Variants in FAIM2 observed in about 807,000 individuals in gnomAD.
FAIM2 encodes the protein Fas apoptotic inhibitory molecule 2.
A neutral mutation model predicts 47.4 loss-of-function variants in FAIM2; 27 were observed. The observed-to-expected ratio is 0.57, with a 90% CI of 0.42 to 0.78. The LOEUF (loss-of-function observed/expected upper bound fraction) is 0.78. Ranked by LOEUF, FAIM2 falls within the 30% of genes least tolerant of loss-of-function variation. FAIM2 has a pLI of 0.00. For missense variants in FAIM2, 311 were observed against 389.4 expected, an observed-to-expected ratio of 0.80 and a Z score of 1.69; for synonymous variants, 156 against 159.3, an observed-to-expected ratio of 0.98 and a Z score of 0.16.
intron 11 of FAIM2, among the ~76,000 whole-genome samples, chr12:49,887,093 C>T (rs1011539066): frequency 5.9e-5 from 9 of 152,092 alleles, no homozygotes; most frequent in Admixed American, 2.6e-4. Context: ...CCGCAAGCAC[C>T]GCTGCCCCTC....
In FAIM2 at chr12:49,901,333, G is replaced by A. The variant is rs1946981040; in HGVS notation, c.16-8C>T. ...CTTGTTAGCCACGGAGAGCTATGGAGTAGAGTCAGAGAGAGAGATAGTCAC... is the reference window on the plus strand; with the variant it reads ...CTTGTTAGCCACGGAGAGCTATGGAATAGAGTCAGAGAGAGAGATAGTCAC... On this transcript the variant is annotated splice_polypyrimidine_tract_variant and splice_region_variant and intron_variant, in intron 1 of 11. Coordinates refer to ENST00000320634, the MANE Select transcript of FAIM2 (RefSeq NM_012306.4). 2 of 1,553,668 alleles carry A rather than the reference G, an allele frequency of 1.3e-6. No homozygotes were observed. The highest frequency in any genetic ancestry group is 1.2e-5 in the South Asian group (1 of 83,352).
At chr12:49,882,091 C>A (rs927809731) in intron 11 of FAIM2, among the ~76,000 whole-genome samples, 3 of 152,350 alleles carry the variant, frequency 2.0e-5, no homozygotes, top group Admixed American at 2.0e-4. Flanking sequence ...TCTCTTCACC[C>A]CACTCTTGCA....
At chr12:49,880,598 A>G (rs1393678555) in intron 11 of FAIM2, among the ~76,000 whole-genome samples, 7 of 137,188 alleles carry the variant, frequency 5.1e-5, no homozygotes, top group East Asian at 2.2e-4. Flanking sequence ...GTGCATGTGT[A>G]TGTGTGTGCA....
intron 2 of FAIM2, among the ~76,000 whole-genome samples, chr12:49,898,540 T>G (rs906568830): frequency 6.6e-6 from 1 of 152,174 alleles, no homozygotes; most frequent in Non-Finnish European, 1.5e-5. Flanking sequence ...GTTTTGTTTT[T>G]TTGAGACAGG....
rs375139943 is a variant in FAIM2 at position 49,901,112 on chromosome 12, A to C, written c.211+18T>G. 1.6e-5 allele frequency: 25 copies of C among 1,551,102 alleles called. No homozygotes were observed. The African/African-American group carries it at 3.2e-4, about 20-fold the overall frequency. On this transcript the variant is annotated intron_variant, in intron 2 of 11. Coordinates refer to ENST00000320634, the MANE Select transcript of FAIM2 (RefSeq NM_012306.4). Reference sequence around the variant, plus strand: ...CCCACCCCATGATGCTTCAGGTTCCAGGAGCTGAAAGACTTACTGGGGTCC... The same window carrying C: ...CCCACCCCATGATGCTTCAGGTTCCCGGAGCTGAAAGACTTACTGGGGTCC...
At chr12:49,873,067 C>A (rs1052412577) in intron 11 of FAIM2, among the ~76,000 whole-genome samples, 4 of 152,066 alleles carry the variant, frequency 2.6e-5, no homozygotes, top group Non-Finnish European at 5.9e-5. Context: ...AGCTGAGTGG[C>A]CTTAACACAG....
At chr12:49,897,198 G>T (rs1946943777) in intron 4 of FAIM2, 114 bp from the exon 5 acceptor site, 1 of 941,992 alleles carries the variant, frequency 1.1e-6, no homozygotes, top group African/African-American at 1.6e-5. Context: ...GAAGCCAAAG[G>T]AATGCAGCCC....
intron 5 of FAIM2, 39 bp from the exon 6 acceptor site, chr12:49,891,153 T>C (rs1316764672): frequency 2.5e-6 from 4 of 1,594,754 alleles, no homozygotes; most frequent in Non-Finnish European, 3.4e-6. Context: ...AGCCAGCCTC[T>C]CCTGGGTCCC....
rs758701545 is a variant in FAIM2, at chr12:49,878,722, GTC to G, written c.802-8071_802-8070del. Among the ~76,000 whole-genome samples, 11 of 102,294 alleles carry G rather than the reference GTC, an allele frequency of 1.1e-4. 2 individuals carry two copies. The highest frequency in any genetic ancestry group is 1.6e-4 in the Non-Finnish European group (9 of 55,194). 67.1% of individuals were successfully genotyped at this position (102,294 alleles called of 152,430 possible). ...TGCATGTGTGCATATATGCGTGTGT[GTC>G]TGTGTGCATGTGAGTGTATATGCAT... On this transcript the variant is annotated intron_variant, in intron 11 of 11. Transcript: ENST00000320634.
At chr12:49,881,240 T>C (rs1253578840) in intron 11 of FAIM2, among the ~76,000 whole-genome samples, 2 of 152,064 alleles carry the variant, frequency 1.3e-5, no homozygotes, top group Non-Finnish European at 2.9e-5. Flanking sequence ...GCCTCTGGTC[T>C]GTCCACTCAG....
chr12:49,892,564 C>T (rs1946907938), intron 5 of FAIM2, among the ~76,000 whole-genome samples: 1 of 152,158 alleles, frequency 6.6e-6, no homozygotes, highest in South Asian at 2.1e-4. Context: ...GGCTTCTCAA[C>T]ATCTGGTCAC....
intron 11 of FAIM2, among the ~76,000 whole-genome samples, chr12:49,873,697 G>C (rs1297351088): frequency 2.0e-5 from 3 of 152,126 alleles, no homozygotes; most frequent in African/African-American, 7.2e-5. Flanking sequence ...TTCTCTTGGA[G>C]AGAAGAGGAA....
In FAIM2 at chr12:49,868,933, T is replaced by C. The variant is rs189471300; in HGVS notation, c.*1571A>G. On this transcript the variant is annotated 3_prime_UTR_variant, in exon 12 of 12. Coordinates refer to ENST00000320634, the MANE Select transcript of FAIM2 (RefSeq NM_012306.4). Reference sequence around the variant, plus strand: ...TGCAATGTTTCTTGAAAGCTGGGAGTAGGAAGGGTGGGGAGGGATGGGGCT... The same window carrying C: ...TGCAATGTTTCTTGAAAGCTGGGAGCAGGAAGGGTGGGGAGGGATGGGGCT... 4 of 151,832 alleles carry C rather than the reference T, an allele frequency of 2.6e-5. No homozygotes were observed. In the East Asian group the frequency reaches 7.8e-4, roughly 29 times the overall value. 9.4% of individuals were successfully genotyped at this position (151,832 alleles called of 1,614,324 possible). A position where few individuals can be genotyped will look rare whatever the true frequency, so the allele number is the denominator to read the frequency against.
intron 7 of FAIM2, 129 bp from the exon 8 acceptor site, chr12:49,890,283 C>T (rs574471050): frequency 4.0e-4 from 321 of 802,512 alleles, no homozygotes; most frequent in Non-Finnish European, 6.1e-4. Flanking sequence ...CACCCCCACA[C>T]ACACTGACTT....
chr12:49,899,028 A>T (rs954375983), intron 2 of FAIM2, among the ~76,000 whole-genome samples: 1 of 152,174 alleles, frequency 6.6e-6, no homozygotes, highest in Non-Finnish European at 1.5e-5. Flanking sequence ...TTGGAAGAGC[A>T]TGAACTCCAC....
At position 49,870,623 on chromosome 12, in the gene FAIM2, C is replaced by T. The variant is rs779342256; in HGVS notation, c.832G>A (p.Gly278Ser). 5 of 1,613,928 alleles carry T rather than the reference C, an allele frequency of 3.1e-6. No homozygotes were observed. The highest frequency in any genetic ancestry group is 4.2e-6 in the Non-Finnish European group (5 of 1,179,972). ...FLALDTQLLM[G>S]NRRHSLSPEE... is the part of the protein sequence containing the mutation. Reference sequence around the variant, plus strand: ...GGGCTCAGCGAGTGGCGTCGGTTACCCATCAGCAACTGGGTGTCAAGTGCC... The same window carrying T: ...GGGCTCAGCGAGTGGCGTCGGTTACTCATCAGCAACTGGGTGTCAAGTGCC... The change falls in exon 12 of 12, where the codon GGT becomes AGT. Residue 278 changes from glycine (G) to serine (S), a missense_variant. Gly to Ser is a moderately conservative substitution (Grantham distance 56, BLOSUM62 0). Coordinates refer to ENST00000320634, the MANE Select transcript of FAIM2 (RefSeq NM_012306.4).
At chr12:49,892,119 G>A (rs531931928) in intron 5 of FAIM2, among the ~76,000 whole-genome samples, 6 of 151,962 alleles carry the variant, frequency 3.9e-5, no homozygotes, top group East Asian at 3.9e-4. Context: ...CACTCTTCCC[G>A]CACAGTCTGC....
intron 1 of FAIM2, chr12:49,901,747 G>A (rs906536397): frequency 6.5e-6 from 1 of 154,674 alleles, no homozygotes; most frequent in Admixed American, 6.5e-5. Flanking sequence ...GGAGAATGAG[G>A]ATCACAGAGG....
intron 11 of FAIM2, among the ~76,000 whole-genome samples, chr12:49,882,645 CCT>C (rs1946834168): frequency 6.6e-6 from 1 of 152,172 alleles, no homozygotes; most frequent in South Asian, 2.1e-4. Flanking sequence ...TTCCCCCTCC[CCT>C]GTGACTCACA....
Sources: gnomAD v4.1 joint callset for allele counts (sites outside exome capture counted in the v4.1 genomes callset) on GRCh38, gnomAD v4.1.1 for gene constraint, MANE v1.5 for transcripts, NCBI Gene and HGNC (gene_info 2026-07-23, HGNC 2026-07-21) for gene names.